Variants in LYPD6B observed in about 807,000 individuals in gnomAD.
LYPD6B encodes the protein LY6/PLAUR domain containing 6B, also known as ly6/PLAUR domain-containing protein 6B.
In LYPD6B, 17 loss-of-function variants were observed where a neutral mutation model predicts 22.8. The ratio of observed to expected loss-of-function variants is 0.75; its 90% CI spans 0.51 to 1.12. The LOEUF is 1.12. LYPD6B is among the 50% of genes most tolerant of loss of function. The pLI, the probability that LYPD6B is intolerant of heterozygous loss-of-function variation, is 0.00. For missense variants in LYPD6B, 221 were observed against 258.3 expected (o/e 0.86, Z 0.99); for synonymous variants, 106 against 91.6 (o/e 1.16, Z -0.90).
At position 149,192,601 on chromosome 2, in the gene LYPD6B, C is replaced by T. The variant is rs922127475; in HGVS notation, c.78-12652C>T. ...TTACCCTTGGCACAGCTTGTAACCT[C>T]CTCATCCCCAATTTCCTCCTTATAC... On this transcript the variant is annotated intron_variant, in intron 3 of 6. Coordinates refer to ENST00000409642, the MANE Select transcript of LYPD6B (RefSeq NM_177964.5). 3.3e-5 allele frequency among the ~76,000 whole-genome samples: 5 copies of T among 152,156 alleles called. No individual in the cohort carries two copies. The East Asian group carries it at 7.7e-4, about 24-fold the overall frequency.
chr2:149,212,103 C>A (rs1190225777), intron 5 of LYPD6B, among the ~76,000 whole-genome samples: 1 of 151,502 alleles, frequency 6.6e-6, no homozygotes, highest in South Asian at 2.1e-4. Flanking sequence ...TGCAGCCGGG[C>A]GCGGTGGCTC....
chr2:149,062,892 T>G (rs1402946486), intron 1 of LYPD6B, among the ~76,000 whole-genome samples: 2 of 143,740 alleles, frequency 1.4e-5, no homozygotes, highest in African/African-American at 5.2e-5. Context: ...TGGTTAAGTA[T>G]CATTTGTGGC....
intron 5 of LYPD6B, among the ~76,000 whole-genome samples, chr2:149,212,761 G>A (rs72983298): frequency 0.023 from 3,529 of 152,162 alleles, 119 homozygotes; most frequent in African/African-American, 0.08. Context: ...CAGGATGAGC[G>A]CCCATTTACG....
In LYPD6B at chr2:149,214,936, C is replaced by T. The variant is rs1694098426; in HGVS notation, c.*226C>T. On this transcript the variant is annotated 3_prime_UTR_variant, in exon 7 of 7. Coordinates refer to ENST00000409642, the MANE Select transcript of LYPD6B (RefSeq NM_177964.5). ...CTGAGAAGATGGTCTGACTTCCAGG[C>T]TTCCTGGTCAAAGAGAGCTACGTTT... 2 of 552,716 alleles carry T rather than the reference C, an allele frequency of 3.6e-6. No individual in the cohort carries two copies. Among genetic ancestry groups the T allele is most frequent in the Admixed American group, 3.1e-5 (1 of 32,594 alleles). The allele number at this position is 552,716 out of a possible 1,614,324, so 34.2% of individuals were successfully genotyped here. A position where few individuals can be genotyped will look rare whatever the true frequency, so the allele number is the denominator to read the frequency against.
intron 2 of LYPD6B, among the ~76,000 whole-genome samples, chr2:149,134,435 C>A (rs1022646073): frequency 7.2e-5 from 11 of 152,140 alleles, no homozygotes; most frequent in Non-Finnish European, 1.6e-4. Context: ...AGACTCCAGC[C>A]TACTAAACTC....
chr2:149,161,934 G>A (rs958374920), intron 3 of LYPD6B, among the ~76,000 whole-genome samples: 4 of 152,110 alleles, frequency 2.6e-5, no homozygotes, highest in Admixed American at 6.6e-5. Flanking sequence ...AAGACAACAA[G>A]CAGGAATTTA....
intron 3 of LYPD6B, among the ~76,000 whole-genome samples, chr2:149,195,359 A>C (rs551331762): frequency 2.6e-5 from 4 of 152,352 alleles, no homozygotes; most frequent in Non-Finnish European, 5.9e-5. Context: ...CCTTCAAAGC[A>C]GAATGGGAAG....
At chr2:149,116,097 TC>T (rs1350017625) in intron 1 of LYPD6B, among the ~76,000 whole-genome samples, 2 of 152,346 alleles carry the variant, frequency 1.3e-5, no homozygotes, top group African/African-American at 4.8e-5. Flanking sequence ...CATTTTATCA[TC>T]TCACATCATC....
rs902920177 is a variant in LYPD6B at position 149,199,800 on chromosome 2, G to A, written c.78-5453G>A. ...CTATTGGCAAAGAGAAATTGAAGCCGTAGGAACTGGGTTCCCAACGCCCAG... is the reference window on the plus strand; with the variant it reads ...CTATTGGCAAAGAGAAATTGAAGCCATAGGAACTGGGTTCCCAACGCCCAG... On this transcript the variant is annotated intron_variant, in intron 3 of 6. Coordinates refer to ENST00000409642, the MANE Select transcript of LYPD6B (RefSeq NM_177964.5). Among the ~76,000 whole-genome samples the A allele has an allele frequency of 7.2e-5, 11 of 152,184 alleles. No individual in the cohort carries two copies. The East Asian group carries it at 7.7e-4, about 11-fold the overall frequency.
intron 1 of LYPD6B, among the ~76,000 whole-genome samples, chr2:149,071,055 G>C (rs1684580459): frequency 6.6e-6 from 1 of 152,192 alleles, no homozygotes. Flanking sequence ...TGATAGGTGA[G>C]GGGCTAGGAG....
chr2:149,112,634 C>A (rs1327673277), intron 1 of LYPD6B, among the ~76,000 whole-genome samples: 1 of 152,088 alleles, frequency 6.6e-6, no homozygotes, highest in Non-Finnish European at 1.5e-5. Context: ...ATACTACCAT[C>A]ATTAATGGTT....
chr2:149,046,372 G>C (rs1416917807), intron 1 of LYPD6B, among the ~76,000 whole-genome samples: 3 of 152,114 alleles, frequency 2.0e-5, no homozygotes, highest in Non-Finnish European at 2.9e-5. Context: ...ATATCTGTCT[G>C]TTAACTGGTA....
At chr2:149,088,981 C>CT (rs1327845265) in intron 1 of LYPD6B, among the ~76,000 whole-genome samples, 3 of 152,034 alleles carry the variant, frequency 2.0e-5, no homozygotes, top group African/African-American at 7.2e-5. Flanking sequence ...CACATACTTC[C>CT]TTTTGAAGAG....
chr2:149,175,061 C>CTCTCTCTCTG (rs1454802925), intron 3 of LYPD6B, among the ~76,000 whole-genome samples: 223 of 113,056 alleles, frequency 2.0e-3, no homozygotes, highest in South Asian at 8.3e-3. Flanking sequence ...CTCTCTCTCT[C>CTCTCTCTCTG]TGTGTGTGTG....
intron 3 of LYPD6B, among the ~76,000 whole-genome samples, chr2:149,177,681 C>T (rs1691410414): frequency 6.6e-6 from 1 of 152,146 alleles, no homozygotes; most frequent in South Asian, 2.1e-4. Context: ...GGTGCTTCTT[C>T]ATTATCCCTT....
At position 149,160,760 on chromosome 2, in the gene LYPD6B, G is replaced by A. The variant is rs1374355979; in HGVS notation, c.6-4G>A. 19 of 1,550,800 alleles carry A rather than the reference G, an allele frequency of 1.2e-5. No homozygotes were observed. Among genetic ancestry groups the A allele is most frequent in the Non-Finnish European group, 1.7e-5 (19 of 1,145,178 alleles). On this transcript the variant is annotated splice_region_variant and splice_polypyrimidine_tract_variant and intron_variant, in intron 2 of 6. Transcript: ENST00000409642. ...CTTTCCTTATCTTTTTTTATCTCTG[G>A]TAGGCTGATTACTCTGAGTGCAAAC... is the stretch of plus-strand genomic sequence containing the variant.
chr2:149,211,643 A>G (rs559471883), intron 5 of LYPD6B, among the ~76,000 whole-genome samples: 6 of 152,148 alleles, frequency 3.9e-5, no homozygotes, highest in African/African-American at 1.4e-4. Context: ...AAAACCAAAA[A>G]AAAAAAAATG....
intron 1 of LYPD6B, among the ~76,000 whole-genome samples, chr2:149,071,208 A>G (rs1437735267): frequency 6.6e-6 from 1 of 152,228 alleles, no homozygotes; most frequent in Non-Finnish European, 1.5e-5. Context: ...AGATAAGACT[A>G]TAACAGTTGC....
chr2:149,043,001 A>G (rs1458173097), intron 1 of LYPD6B, among the ~76,000 whole-genome samples: 3 of 152,220 alleles, frequency 2.0e-5, no homozygotes, highest in Admixed American at 1.3e-4. Context: ...AAAACATGGT[A>G]CCAGGTCATG....
Sources: allele counts gnomAD v4.1 joint callset (sites outside exome capture counted in the v4.1 genomes callset), GRCh38; gene constraint gnomAD v4.1.1; transcripts MANE v1.5; gene names NCBI Gene and HGNC (gene_info 2026-07-23, HGNC 2026-07-21).